OSBPL6: variants seen among roughly 807,000 people sequenced by gnomAD.
The protein encoded by OSBPL6 is oxysterol binding protein like 6, also known as oxysterol-binding protein-related protein 6.
Under a neutral mutation model 125.8 loss-of-function variants are expected in OSBPL6, and 49 were observed. The ratio of observed to expected loss-of-function variants is 0.39; its 90% CI spans 0.31 to 0.49. The LOEUF is 0.49. Ranked by LOEUF, OSBPL6 falls within the 20% of genes least tolerant of loss-of-function variation. The pLI is 0.88. For synonymous variants in OSBPL6, 394 were observed against 391.8 expected (o/e 1.01, Z -0.07); for missense variants, 986 against 1,135.4 (o/e 0.87, Z 1.89).
intron 11 of OSBPL6, 54 bp downstream of exon 11, chr2:178,339,818 G>T (rs1690047057): frequency 3.0e-6 from 4 of 1,338,342 alleles, no homozygotes; most frequent in African/African-American, 1.5e-5. Context: ...TAAAGTACTA[G>T]TCTTTATACA....
intron 1 of OSBPL6, among the ~76,000 whole-genome samples, chr2:178,208,634 C>T (rs2153950254): frequency 8.3e-6 from 1 of 120,434 alleles, no homozygotes; most frequent in Admixed American, 8.7e-5. Context: ...GTCTTTCCCT[C>T]CCCTCCCCTC....
At chr2:178,379,446 A>G (rs914045636) in intron 15 of OSBPL6, among the ~76,000 whole-genome samples, 2 of 151,504 alleles carry the variant, frequency 1.3e-5, no homozygotes, top group African/African-American at 4.8e-5. Flanking sequence ...GAAGAGAGAA[A>G]AGGAAGGAAG....
intron 1 of OSBPL6, among the ~76,000 whole-genome samples, chr2:178,279,276 G>A (rs1393386816): frequency 1.3e-5 from 2 of 152,178 alleles, no homozygotes; most frequent in Non-Finnish European, 1.5e-5. Flanking sequence ...AATGTGCGGG[G>A]AATGCACTAG....
chr2:178,257,398 C>T (rs2091919735), intron 1 of OSBPL6, among the ~76,000 whole-genome samples: 1 of 152,018 alleles, frequency 6.6e-6, no homozygotes, highest in South Asian at 2.1e-4. Flanking sequence ...ACTTTGTAAC[C>T]AAATAACGTT....
chr2:178,308,699 G>C (rs577604817), intron 3 of OSBPL6, among the ~76,000 whole-genome samples: 1 of 152,078 alleles, frequency 6.6e-6, no homozygotes, highest in South Asian at 2.1e-4. Flanking sequence ...AGAGATCCAG[G>C]GTCAATGTCT....
At chr2:178,350,958 C>T (rs1574942482) in intron 12 of OSBPL6, among the ~76,000 whole-genome samples, 1 of 152,266 alleles carries the variant, frequency 6.6e-6, no homozygotes, top group East Asian at 1.9e-4. Context: ...TTGAATGATA[C>T]ATCACATTAA....
At chr2:178,336,185 T>C in intron 8 of OSBPL6, 116 bp from the exon 9 acceptor site, 1 of 1,318,440 alleles carries the variant, frequency 7.6e-7, no homozygotes, top group Non-Finnish European at 1.0e-6. Context: ...TCTTCCATGT[T>C]TTGAGTGTGC....
Position 178,282,173 on chromosome 2 carries a change from TG to T in OSBPL6, c.-350-2753del, listed in dbSNP as rs1394151383. 2.0e-5 allele frequency among the ~76,000 whole-genome samples: 3 copies of T among 152,304 alleles called. No homozygotes were observed. The East Asian group carries it at 5.8e-4, about 29-fold the overall frequency. On this transcript the variant is annotated intron_variant, in intron 1 of 24. Coordinates refer to ENST00000190611, the MANE Select transcript of OSBPL6 (RefSeq NM_032523.4). ...CAGTTTTGTGCTGGATTTTGAAGGC[TG>T]TATTGGCAAAGACTATGGCGAAAGA...
intron 1 of OSBPL6, among the ~76,000 whole-genome samples, chr2:178,198,204 AGT>A (rs1487154664): frequency 2.0e-5 from 3 of 152,250 alleles, no homozygotes; most frequent in Non-Finnish European, 2.9e-5. Context: ...GAAAAGGATT[AGT>A]TTAAAAACTA....
chr2:178,269,338 T>TTA (rs1190455175), intron 1 of OSBPL6, among the ~76,000 whole-genome samples: 1 of 152,212 alleles, frequency 6.6e-6, no homozygotes, highest in Non-Finnish European at 1.5e-5. Context: ...AGTTTGGGAC[T>TTA]ACTATTAATG....
At chr2:178,249,943 G>C (rs1390583770) in intron 1 of OSBPL6, among the ~76,000 whole-genome samples, 1 of 149,078 alleles carries the variant, frequency 6.7e-6, no homozygotes, top group Non-Finnish European at 1.5e-5. Flanking sequence ...TTGCCTACTA[G>C]ACATCTTTGT....
At chr2:178,377,122 T>C (rs1299525570) in intron 15 of OSBPL6, among the ~76,000 whole-genome samples, 2 of 152,162 alleles carry the variant, frequency 1.3e-5, no homozygotes, top group African/African-American at 2.4e-5. Flanking sequence ...AGGAAATACC[T>C]GAGACTGGGT....
In OSBPL6 at chr2:178,308,929, T is replaced by A. The variant is rs559769381; in HGVS notation, c.102+2643T>A. 5.3e-5 allele frequency among the ~76,000 whole-genome samples: 8 copies of A among 152,284 alleles called. No homozygotes were observed. The South Asian group carries it at 1.7e-3, about 32-fold the overall frequency. On this transcript the variant is annotated intron_variant, in intron 3 of 24. Transcript: ENST00000190611. Reference sequence around the variant, plus strand: ...GAGTAGGGCAGATTCATGCTCAAAATCCATCAGACTCATTGTTACCTACAC... The same window carrying A: ...GAGTAGGGCAGATTCATGCTCAAAAACCATCAGACTCATTGTTACCTACAC...
chr2:178,389,214 T>C, intron 21 of OSBPL6, 61 bp downstream of exon 21: 1 of 1,509,220 alleles, frequency 6.6e-7, no homozygotes, highest in Non-Finnish European at 9.1e-7. Context: ...AAAGAAGAAA[T>C]AGAATAATCA....
At chr2:178,246,057 C>A (rs903871109) in intron 1 of OSBPL6, among the ~76,000 whole-genome samples, 3 of 152,188 alleles carry the variant, frequency 2.0e-5, no homozygotes, top group Non-Finnish European at 4.4e-5. Flanking sequence ...TCTCTCACTC[C>A]ATCAGTTACA....
intron 1 of OSBPL6, among the ~76,000 whole-genome samples, chr2:178,243,840 A>C (rs2091389293): frequency 6.6e-6 from 1 of 151,938 alleles, no homozygotes; most frequent in Non-Finnish European, 1.5e-5. Flanking sequence ...TTTAGTAGAG[A>C]TGGGGTTTCA....
chr2:178,236,797 T>G (rs2091071932), intron 1 of OSBPL6, among the ~76,000 whole-genome samples: 1 of 152,212 alleles, frequency 6.6e-6, no homozygotes, highest in Non-Finnish European at 1.5e-5. Context: ...CTCCAGGATT[T>G]GAGACCCCAG....
chr2:178,250,060 C>T (rs1272119223), intron 1 of OSBPL6, among the ~76,000 whole-genome samples: 1 of 152,144 alleles, frequency 6.6e-6, no homozygotes, highest in Non-Finnish European at 1.5e-5. Context: ...TAGGTTCTAC[C>T]ATAGTTCCCA....
Position 178,316,345 on chromosome 2 carries a change from A to G in OSBPL6, c.103-7832A>G, listed in dbSNP as rs530954504. Among the ~76,000 whole-genome samples, 6 of 152,364 alleles carry G rather than the reference A, an allele frequency of 3.9e-5. No homozygotes were observed. The East Asian group carries it at 1.2e-3, about 29-fold the overall frequency. ...CTAAGGAAACAAAGATACATGTTAA[A>G]GATTTCAGTTAAAAAAATGTTTATC... On this transcript the variant is annotated intron_variant, in intron 3 of 24. Transcript: ENST00000190611.
Sources: gnomAD v4.1 joint callset for allele counts (sites outside exome capture counted in the v4.1 genomes callset) on GRCh38, gnomAD v4.1.1 for gene constraint, MANE v1.5 for transcripts, NCBI Gene and HGNC (gene_info 2026-07-23, HGNC 2026-07-21) for gene names.